Variants in USH2A observed in about 807,000 individuals in gnomAD.
USH2A encodes usherin.
Under a neutral mutation model 538.9 loss-of-function variants are expected in USH2A, and 443 were observed. The observed-to-expected ratio is 0.82, with a 90% CI of 0.76 to 0.89. The LOEUF is 0.89. Ranked by LOEUF, USH2A falls within the 40% of genes least tolerant of loss-of-function variation. USH2A has a pLI of 0.00. For missense variants in USH2A, 6,633 were observed against 6,324.8 expected (o/e 1.05, Z -1.65); for synonymous variants, 2,413 against 2,273.5 (o/e 1.06, Z -1.75).
chr1:216,420,902 T>A (rs1160787471), intron 2 of USH2A, among the ~76,000 whole-genome samples: 2 of 152,182 alleles, frequency 1.3e-5, no homozygotes, highest in Non-Finnish European at 2.9e-5. Context: ...TTAAGTCCTA[T>A]TTGCTTATGA....
At chr1:216,263,468 G>A (rs2102569856) in intron 11 of USH2A, among the ~76,000 whole-genome samples, 1 of 152,162 alleles carries the variant, frequency 6.6e-6, no homozygotes, top group Non-Finnish European at 1.5e-5. Flanking sequence ...TTCAATATGA[G>A]CAAATTGAAT....
chr1:216,216,083 T>A (rs2035336724), intron 15 of USH2A, among the ~76,000 whole-genome samples: 1 of 152,118 alleles, frequency 6.6e-6, no homozygotes, highest in African/African-American at 2.4e-5. Flanking sequence ...CCATAACTCA[T>A]ATCCAAAAGG....
chr1:216,226,099 G>A (rs533991585), intron 14 of USH2A, among the ~76,000 whole-genome samples: 2 of 152,218 alleles, frequency 1.3e-5, no homozygotes, highest in African/African-American at 4.8e-5. Context: ...GAAATAAATG[G>A]GAACAATGAA....
chr1:215,844,385 T>G lies in USH2A; in HGVS notation c.9167A>C (p.Tyr3056Ser). ...AGTCTTGTAGAGCTTATTATTTACA[T>G]AGATAGAATACTCAGTGACAACACC... ...PNGVVTEYSI[Y>S]VNNKLYKTGM... The change falls in exon 46 of 72, where the codon TAT becomes TCT. Residue 3056 changes from tyrosine to serine, a missense_variant. By Grantham distance (144) the Tyr-to-Ser change is moderately radical. Coordinates refer to ENST00000307340, the MANE Select transcript of USH2A (RefSeq NM_206933.4). The G allele has an allele frequency of 6.2e-7, 1 of 1,613,790 alleles. No individual in the cohort carries two copies. The highest frequency in any genetic ancestry group is 8.5e-7 in the Non-Finnish European group (1 of 1,179,868).
At chr1:215,643,265 T>C (rs1656746019) in intron 67 of USH2A, among the ~76,000 whole-genome samples, 1 of 152,174 alleles carries the variant, frequency 6.6e-6, no homozygotes, top group Non-Finnish European at 1.5e-5. Flanking sequence ...CCCAAAGTGC[T>C]GAGATTACAG....
chr1:215,755,363 CTCTT>C (rs1455475954), intron 58 of USH2A, among the ~76,000 whole-genome samples: 7 of 152,154 alleles, frequency 4.6e-5, no homozygotes, highest in Admixed American at 1.3e-4. Context: ...ACCTAGAAAA[CTCTT>C]TATATTGTGA....
At chr1:215,652,424 G>A (rs1657112810) in intron 64 of USH2A, among the ~76,000 whole-genome samples, 1 of 152,250 alleles carries the variant, frequency 6.6e-6, no homozygotes, top group Admixed American at 6.5e-5. Context: ...AGCTTGCAAG[G>A]ATGGATAGAC....
rs1217876986 is a variant in USH2A, at chr1:215,836,501, ATATAT to A, written c.9371+1485_9371+1489del. Among the ~76,000 whole-genome samples, 10 of 18,826 alleles carry A rather than the reference ATATAT, an allele frequency of 5.3e-4. 1 individual carries two copies. Among genetic ancestry groups the A allele is most frequent in the African/African-American group, 2.1e-3 (10 of 4,708 alleles). 12.4% of individuals were successfully genotyped at this position (18,826 alleles called of 152,430 possible). On this transcript the variant is annotated intron_variant, in intron 47 of 71. Transcript: ENST00000307340. ...ATATAATATATATTATATATATAAT[ATATAT>A]TATATATATATAATATATATTATAT...
At chr1:216,355,376 AAGG>A (rs1291972411) in intron 4 of USH2A, among the ~76,000 whole-genome samples, 2 of 145,854 alleles carry the variant, frequency 1.4e-5, no homozygotes, top group African/African-American at 5.0e-5. Flanking sequence ...AGAAAGAAAG[AAGG>A]AAAGAAACAT....
At chr1:215,767,102 TC>T (rs1475788154) in intron 55 of USH2A, among the ~76,000 whole-genome samples, 14 of 152,206 alleles carry the variant, frequency 9.2e-5, no homozygotes, top group Non-Finnish European at 1.9e-4. Context: ...ATCAGAGCAC[TC>T]CGTCTCTCAA....
In USH2A at chr1:215,999,830, ACT is replaced by A. The variant is rs199949576; in HGVS notation, c.6485+571_6485+572del. Among the ~76,000 whole-genome samples, 1,416 of 152,162 alleles carry A rather than the reference ACT, an allele frequency of 9.3e-3. 9 individuals carry two copies. Among genetic ancestry groups the A allele is most frequent in the Middle Eastern group, 0.017 (5 of 294 alleles). Reference sequence around the variant, plus strand: ...AAATGTCAGAATTCATTTAGTCTAAACTCTTATTTTACAGATAAGAAAACTGA... The same window carrying A: ...AAATGTCAGAATTCATTTAGTCTAAACTTATTTTACAGATAAGAAAACTGA... On this transcript the variant is annotated intron_variant, in intron 33 of 71. Coordinates refer to ENST00000307340, the MANE Select transcript of USH2A (RefSeq NM_206933.4).
chr1:216,109,295 C>T (rs2102584137), intron 21 of USH2A, among the ~76,000 whole-genome samples: 1 of 152,220 alleles, frequency 6.6e-6, no homozygotes, highest in Non-Finnish European at 1.5e-5. Context: ...TCTTACTAGG[C>T]TACATTGTTG....
intron 9 of USH2A, among the ~76,000 whole-genome samples, chr1:216,303,140 T>A (rs947495121): frequency 6.6e-6 from 1 of 151,960 alleles, no homozygotes; most frequent in Non-Finnish European, 1.5e-5. Flanking sequence ...AAAAGACACA[T>A]GGGGACACAC....
At chr1:215,721,056 T>G (rs943593242) in intron 61 of USH2A, among the ~76,000 whole-genome samples, 1 of 151,744 alleles carries the variant, frequency 6.6e-6, no homozygotes, top group Non-Finnish European at 1.5e-5. Flanking sequence ...GGTTTTAATT[T>G]AGACTGGAGT....
chr1:215,707,056 T>C (rs1659202995), intron 61 of USH2A, among the ~76,000 whole-genome samples: 1 of 152,214 alleles, frequency 6.6e-6, no homozygotes, highest in Non-Finnish European at 1.5e-5. Flanking sequence ...TCAAAGATTG[T>C]TTTTATTTTT....
chr1:216,055,998 C>T (rs533100247), intron 30 of USH2A, among the ~76,000 whole-genome samples: 1 of 152,228 alleles, frequency 6.6e-6, no homozygotes, highest in African/African-American at 2.4e-5. Context: ...AAACATTATT[C>T]TTTATTTCTT....
In USH2A at chr1:216,260,225, T is replaced by A. The variant is rs116839310; in HGVS notation, c.1972-9127A>T. ...TTACAAAAATTTTGAAGACAGAAAA[T>A]GAAATTAAGAAATAGAAATAAATAT... On this transcript the variant is annotated intron_variant, in intron 11 of 71. Transcript: ENST00000307340. Among the ~76,000 whole-genome samples the A allele has an allele frequency of 8.4e-3, 1,277 of 152,060 alleles. 20 individuals are homozygous for A. Among genetic ancestry groups the A allele is most frequent in the African/African-American group, 0.03 (1,238 of 41,498 alleles).
At position 215,674,124 on chromosome 1, in the gene USH2A, A is replaced by G. The variant is rs1293066537; in HGVS notation, c.13787T>C (p.Val4596Ala). 3 of 1,614,132 alleles carry G rather than the reference A, an allele frequency of 1.9e-6. No homozygotes were observed. The highest frequency in any genetic ancestry group is 3.3e-5 in the Admixed American group (2 of 60,022). Residue 4596 changes from valine (V) to alanine (A), a missense_variant, in exon 63 of 72, where the codon GTA becomes GCA. Transcript: ENST00000307340. ...HNSFGMQSYI[V>A]NQLKPFHRYE... ...CCTGTGAAATGGCTTCAGCTGGTTT[A>G]CTATATATGACTGCATACCAAAAGA...
chr1:216,026,213 A>G (rs879505624), intron 32 of USH2A, among the ~76,000 whole-genome samples: 23 of 152,320 alleles, frequency 1.5e-4, no homozygotes, highest in Admixed American at 1.5e-3. Flanking sequence ...TTTTCCTCTC[A>G]TAGTAAAACA....
Sources: gnomAD v4.1 joint callset for allele counts (sites outside exome capture counted in the v4.1 genomes callset) on GRCh38, gnomAD v4.1.1 for gene constraint, MANE v1.5 for transcripts, NCBI Gene and HGNC (gene_info 2026-07-23, HGNC 2026-07-21) for gene names.